Variants in TMEM17 observed in about 807,000 individuals in gnomAD.
The protein encoded by TMEM17 is transmembrane protein 17.
Under a neutral mutation model 19.1 loss-of-function variants are expected in TMEM17, and 15 were observed. The observed-to-expected ratio is 0.78, with a 90% CI of 0.52 to 1.21. The LOEUF is 1.21. Among genes scored for constraint, TMEM17 ranks in the 50% most tolerant of loss-of-function variants. The pLI is 0.00. For missense variants in TMEM17, 245 were observed against 242.3 expected, an observed-to-expected ratio of 1.01 and a Z score of -0.07; for synonymous variants, 103 against 86.9, an observed-to-expected ratio of 1.19 and a Z score of -1.03.
chr2:62,459,491 A>G, the TMEM17 span, among the ~76,000 whole-genome samples: 1 of 152,256 alleles, frequency 6.6e-6, no homozygotes, highest in African/African-American at 2.4e-5. Context: ...CTGATTTGAT[A>G]GAGCATCAGA....
chr2:62,479,330 C>T, the TMEM17 span, among the ~76,000 whole-genome samples: 2 of 152,302 alleles, frequency 1.3e-5, no homozygotes, highest in East Asian at 3.9e-4. Flanking sequence ...GAGTGTTTAA[C>T]TTTCTGTGCC....
chr2:62,459,210 A>G, the TMEM17 span, among the ~76,000 whole-genome samples: 1 of 152,194 alleles, frequency 6.6e-6, no homozygotes, highest in African/African-American at 2.4e-5. Context: ...ATCAGGCAGC[A>G]TTTCTGTAGT....
chr2:62,499,269 C>T (rs1261091814), downstream of TMEM17, among the ~76,000 whole-genome samples: 4 of 152,068 alleles, frequency 2.6e-5, no homozygotes, highest in Non-Finnish European at 2.9e-5. Flanking sequence ...AGAAGTTCTG[C>T]TATTTAAAAT....
downstream of TMEM17, among the ~76,000 whole-genome samples, chr2:62,495,862 T>A (rs150957739): frequency 6.6e-6 from 1 of 152,134 alleles, no homozygotes; most frequent in African/African-American, 2.4e-5. Context: ...TCTGAAAAAA[T>A]TCAATATTCA....
At chr2:62,501,688 C>G (rs1679933781) in intron 3 of TMEM17, 2 of 555,534 alleles carry the variant, frequency 3.6e-6, no homozygotes, top group Non-Finnish European at 6.3e-6. Context: ...TCCTAGAATA[C>G]TACACTTTAG....
the TMEM17 span, among the ~76,000 whole-genome samples, chr2:62,483,682 C>T: frequency 1.1e-4 from 17 of 151,604 alleles, no homozygotes; most frequent in Non-Finnish European, 2.2e-4. Context: ...TCACTGCAAC[C>T]TCCGCCTCCT....
chr2:62,491,868 T>C, the TMEM17 span, among the ~76,000 whole-genome samples: 1 of 148,284 alleles, frequency 6.7e-6, no homozygotes, highest in African/African-American at 2.5e-5. Context: ...TTGACCAACA[T>C]GAAATGACTG....
the TMEM17 span, among the ~76,000 whole-genome samples, chr2:62,471,933 C>T: frequency 5.8e-4 from 89 of 152,228 alleles, 1 homozygote; most frequent in African/African-American, 1.9e-3. Context: ...GCCCCATTAA[C>T]GTGCCTTTAT....
At chr2:62,476,306 T>A in the TMEM17 span, among the ~76,000 whole-genome samples, 1 of 152,234 alleles carries the variant, frequency 6.6e-6, no homozygotes, top group African/African-American at 2.4e-5. Context: ...GCTTGCAGCC[T>A]GACTCTTATC....
the TMEM17 span, among the ~76,000 whole-genome samples, chr2:62,479,260 T>C: frequency 9.2e-5 from 14 of 152,198 alleles, no homozygotes; most frequent in Admixed American, 8.5e-4. Context: ...TCCTTCCACT[T>C]TTTACTTCTA....
the TMEM17 span, among the ~76,000 whole-genome samples, chr2:62,476,148 G>A: frequency 6.6e-6 from 1 of 152,180 alleles, no homozygotes; most frequent in Admixed American, 6.5e-5. Context: ...TCAGCTCTTG[G>A]GGTGGCAGTT....
chr2:62,464,661 G>A, the TMEM17 span, among the ~76,000 whole-genome samples: 29 of 152,306 alleles, frequency 1.9e-4, no homozygotes, highest in African/African-American at 6.5e-4. Flanking sequence ...TGTAATTCAC[G>A]TACAGCCGGC....
At chr2:62,460,956 G>T in the TMEM17 span, among the ~76,000 whole-genome samples, 6 of 152,228 alleles carry the variant, frequency 3.9e-5, no homozygotes, top group African/African-American at 1.4e-4. Context: ...GGAAAAAGCA[G>T]GTGATTGTGG....
In TMEM17 at chr2:62,504,747, C is replaced by A. The variant is rs544099961; in HGVS notation, c.100+1283G>T. Among the ~76,000 whole-genome samples, 7 of 152,248 alleles carry A rather than the reference C, an allele frequency of 4.6e-5. No individual in the cohort carries two copies. In the East Asian group the frequency reaches 1.4e-3, roughly 29 times the overall value. ...TGCCTGTTTTTGTACAGTCAATGAG[C>A]TAAAAATGTTTTTTCACGTTTAAAT... On this transcript the variant is annotated intron_variant, in intron 1 of 3. Transcript: ENST00000335390.
chr2:62,474,333 C>A, the TMEM17 span, among the ~76,000 whole-genome samples: 1 of 152,048 alleles, frequency 6.6e-6, no homozygotes, highest in African/African-American at 2.4e-5. Context: ...GCTCCATTTC[C>A]CTGAAATGTT....
At chr2:62,457,203 C>A in the TMEM17 span, among the ~76,000 whole-genome samples, 3 of 152,374 alleles carry the variant, frequency 2.0e-5, no homozygotes, top group East Asian at 5.8e-4. This position sits in a 1 kb window ranked among gnomAD's most constrained non-coding sequence, Gnocchi z 4.2. Context: ...GCTGCCAAGC[C>A]CCCTGCCGTG....
chr2:62,473,817 A>G, the TMEM17 span, among the ~76,000 whole-genome samples: 1 of 152,252 alleles, frequency 6.6e-6, no homozygotes, highest in Non-Finnish European at 1.5e-5. Context: ...GGGATGCTGG[A>G]CAATGTGGCA....
intron 1 of TMEM17, among the ~76,000 whole-genome samples, chr2:62,503,069 T>C (rs1484661177): frequency 6.6e-6 from 1 of 152,228 alleles, no homozygotes; most frequent in Non-Finnish European, 1.5e-5. Flanking sequence ...CTGGTATAGA[T>C]TTAATGTAGA....
rs1679890480 is a variant in TMEM17, at chr2:62,500,345, G to A, written c.*864C>T. On this transcript the variant is annotated 3_prime_UTR_variant, in exon 4 of 4. Coordinates refer to ENST00000335390, the MANE Select transcript of TMEM17 (RefSeq NM_198276.3). ...AACAAAAATATTTCCTAAATACCAAGGCAATCCACCTGTTTTCTTCTTCAT... is the reference window on the plus strand; with the variant it reads ...AACAAAAATATTTCCTAAATACCAAAGCAATCCACCTGTTTTCTTCTTCAT... 6.6e-6 allele frequency: 1 copy of A among 152,138 alleles called. No individual in the cohort carries two copies. The highest frequency in any genetic ancestry group is 2.4e-5 in the African/African-American group (1 of 41,432). The allele number at this position is 152,138 out of a possible 1,614,324, so 9.4% of individuals were successfully genotyped here.
Sources: gnomAD v4.1 joint callset for allele counts (sites outside exome capture counted in the v4.1 genomes callset) on GRCh38, gnomAD v4.1.1 for gene constraint, Gnocchi (gnomAD v3.1) non-coding constraint, MANE v1.5 for transcripts, NCBI Gene and HGNC (gene_info 2026-07-23, HGNC 2026-07-21) for gene names.